The following INPP4B variants were observed in gnomAD, a reference collection of about 807,000 sequenced individuals.
INPP4B encodes inositol polyphosphate 4-phosphatase type II.
Under a neutral mutation model 122.5 loss-of-function variants are expected in INPP4B, and 55 were observed. The observed-to-expected ratio is 0.45, with a 90% CI of 0.36 to 0.56. The LOEUF is 0.56. INPP4B is among the 20% of genes least tolerant of loss of function. The pLI, the probability that INPP4B is intolerant of heterozygous loss-of-function variation, is 0.00. For missense variants in INPP4B, 1,000 were observed against 1,097.7 expected (o/e 0.91, Z 1.26); for synonymous variants, 403 against 388.7 (o/e 1.04, Z -0.43).
At chr4:142,193,217 A>C (rs1157446898) in intron 14 of INPP4B, 22 bp from the exon 15 acceptor site, 14 of 1,401,452 alleles carry the variant, frequency 1.0e-5, no homozygotes, top group Non-Finnish European at 1.3e-5. Context: ...ACAGACAAGG[A>C]GATGAACACT....
intron 1 of INPP4B, among the ~76,000 whole-genome samples, chr4:142,804,673 T>A (rs1778454318): frequency 6.6e-6 from 1 of 152,104 alleles, no homozygotes; most frequent in South Asian, 2.1e-4. Context: ...TGCTTTTTGG[T>A]TTTTGTTTTT....
At chr4:142,600,021 A>T (rs1332997824) in intron 2 of INPP4B, among the ~76,000 whole-genome samples, 1 of 152,158 alleles carries the variant, frequency 6.6e-6, no homozygotes, top group Non-Finnish European at 1.5e-5. Context: ...ATGATATATG[A>T]GAAACTATTA....
chr4:142,257,430 T>A, intron 11 of INPP4B, among the ~76,000 whole-genome samples: 1 of 151,876 alleles, frequency 6.6e-6, no homozygotes, highest in Non-Finnish European at 1.5e-5. Context: ...TGTTTGCAGA[T>A]GACATGATTG....
intron 16 of INPP4B, among the ~76,000 whole-genome samples, chr4:142,167,769 T>TA (rs1380479075): frequency 2.0e-5 from 3 of 151,656 alleles, no homozygotes; most frequent in Non-Finnish European, 3.0e-5. Flanking sequence ...TTTGAATTAA[T>TA]AAAAAAATCT....
chr4:142,577,584 G>A (rs1361249193), intron 2 of INPP4B, among the ~76,000 whole-genome samples: 1 of 151,946 alleles, frequency 6.6e-6, no homozygotes, highest in Admixed American at 6.6e-5. Context: ...CTATATGAAA[G>A]TCAGCAAAAA....
chr4:142,068,821 G>A (rs1349089454), intron 25 of INPP4B, among the ~76,000 whole-genome samples: 1 of 152,192 alleles, frequency 6.6e-6, no homozygotes, highest in Admixed American at 6.5e-5. Flanking sequence ...GGAGCACCCT[G>A]ATTCATAAAG....
chr4:142,036,444 G>A (rs1744021565), intron 25 of INPP4B, among the ~76,000 whole-genome samples: 1 of 152,144 alleles, frequency 6.6e-6, no homozygotes, highest in Non-Finnish European at 1.5e-5. Context: ...CACTTTCTCA[G>A]TGGAGCCACC....
At chr4:142,193,445 G>T (rs2636664) in intron 14 of INPP4B, among the ~76,000 whole-genome samples, 1 of 152,064 alleles carries the variant, frequency 6.6e-6, no homozygotes, top group African/African-American at 2.4e-5. Context: ...ACATGCTACA[G>T]TGTAGAACAG....
At chr4:142,611,771 C>A (rs756600223) in intron 2 of INPP4B, among the ~76,000 whole-genome samples, 1 of 149,360 alleles carries the variant, frequency 6.7e-6, no homozygotes, top group Non-Finnish European at 1.5e-5. Context: ...GAGGTTCAAG[C>A]GATTCTCCTG....
intron 7 of INPP4B, chr4:142,384,263 A>C: frequency 1.6e-6 from 1 of 627,880 alleles, no homozygotes; most frequent in Non-Finnish European, 2.9e-6. Flanking sequence ...AACTTCACTA[A>C]ATTACATTCC....
At chr4:142,596,598 G>A (rs996075595) in intron 2 of INPP4B, among the ~76,000 whole-genome samples, 1 of 152,162 alleles carries the variant, frequency 6.6e-6, no homozygotes, top group Admixed American at 6.5e-5. Context: ...TATAATAAGC[G>A]ATAAACAATG....
intron 5 of INPP4B, among the ~76,000 whole-genome samples, chr4:142,414,257 G>A (rs540850989): frequency 1.2e-3 from 182 of 152,022 alleles, no homozygotes; most frequent in South Asian, 6.6e-3. Flanking sequence ...ATTATTTTAT[G>A]TGTCTGTGTG....
At chr4:142,589,140 T>C (rs1191898863) in intron 2 of INPP4B, among the ~76,000 whole-genome samples, 3 of 151,926 alleles carry the variant, frequency 2.0e-5, no homozygotes, top group Non-Finnish European at 4.4e-5. Flanking sequence ...CGGACATCCA[T>C]ATACATAAAA....
intron 11 of INPP4B, among the ~76,000 whole-genome samples, chr4:142,248,630 A>ATGTG (rs35550228): frequency 8.8e-5 from 13 of 148,544 alleles, no homozygotes; most frequent in African/African-American, 1.0e-4. Flanking sequence ...CACTCTCTGT[A>ATGTG]TGTGTGTGTG....
chr4:142,598,187 G>A (rs1413487586), intron 2 of INPP4B, among the ~76,000 whole-genome samples: 3 of 152,212 alleles, frequency 2.0e-5, no homozygotes, highest in Middle Eastern at 6.8e-3. Flanking sequence ...GCCCCCAGGG[G>A]CTTGGTATTA....
chr4:142,591,706 T>C (rs1002833834), intron 2 of INPP4B, among the ~76,000 whole-genome samples: 2 of 152,098 alleles, frequency 1.3e-5, no homozygotes, highest in Admixed American at 6.6e-5. Flanking sequence ...TCAACAGCGC[T>C]AAGTAATGTT....
At chr4:142,577,019 T>TATAAAGTAATA (rs1734000118) in intron 2 of INPP4B, among the ~76,000 whole-genome samples, 1 of 152,032 alleles carries the variant, frequency 6.6e-6, no homozygotes, top group African/African-American at 2.4e-5. Flanking sequence ...ATCACATAAT[T>TATAAAGTAATA]TACAAGTAAT....
Position 142,028,687 on chromosome 4 carries a change from A to AAATT in INPP4B, c.*91_*94dup. On this transcript the variant is annotated 3_prime_UTR_variant, in exon 26 of 26. Coordinates refer to ENST00000262992, the MANE Select transcript of INPP4B (RefSeq NM_001101669.3). ...CATCTGTGATCATCTCCCCCACCAC[A>AAATT]AATTCATGACAATAAAAACAAACAA... is the stretch of plus-strand genomic sequence containing the variant. 1 of 1,343,814 alleles carries AAATT rather than the reference A, an allele frequency of 7.4e-7. No homozygotes were observed. The highest frequency in any genetic ancestry group is 1.0e-6 in the Non-Finnish European group (1 of 980,084). The allele number at this position is 1,343,814 out of a possible 1,614,324, so 83.2% of individuals were successfully genotyped here. A position where few individuals can be genotyped will look rare whatever the true frequency, so the allele number is the denominator to read the frequency against.
At chr4:142,354,783 G>A (rs1386297359) in intron 7 of INPP4B, among the ~76,000 whole-genome samples, 3 of 151,934 alleles carry the variant, frequency 2.0e-5, no homozygotes, top group Admixed American at 6.6e-5. Flanking sequence ...TTCTGCCTTC[G>A]CATATTCCAG....
Sources: gnomAD v4.1 joint callset for allele counts (sites outside exome capture counted in the v4.1 genomes callset) on GRCh38, gnomAD v4.1.1 for gene constraint, MANE v1.5 for transcripts, NCBI Gene and HGNC (gene_info 2026-07-23, HGNC 2026-07-21) for gene names.